NBAS: variants seen among roughly 807,000 people sequenced by gnomAD.
The protein encoded by NBAS is NAG/BC035112 fusion.
NBAS carries 219 observed loss-of-function variants against 302.5 expected under a neutral mutation model. The observed-to-expected ratio is 0.72, with a 90% CI of 0.65 to 0.81. The LOEUF is 0.81. Among genes scored for constraint, NBAS ranks in the 30% least tolerant of loss-of-function variants. NBAS has a pLI of 0.00. For synonymous variants in NBAS, 1,118 were observed against 1,021.6 expected, an observed-to-expected ratio of 1.09 and a Z score of -1.80; for missense variants, 2,932 against 2,841.6, an observed-to-expected ratio of 1.03 and a Z score of -0.72.
chr2:15,219,438 G>A (rs1261339712), intron 47 of NBAS, among the ~76,000 whole-genome samples: 5 of 142,546 alleles, frequency 3.5e-5, no homozygotes, highest in African/African-American at 1.3e-4. Flanking sequence ...AGTGAACAAA[G>A]GTCTCTGGTT....
chr2:15,179,233 C>T (rs1445592903), intron 50 of NBAS, 117 bp from the exon 51 acceptor site: 1 of 1,483,270 alleles, frequency 6.7e-7, no homozygotes, highest in Admixed American at 1.8e-5. Flanking sequence ...GTGTGTAAAG[C>T]CACATATGGT....
At chr2:14,805,640 ATAG>A in the NBAS span, among the ~76,000 whole-genome samples, 1 of 152,194 alleles carries the variant, frequency 6.6e-6, no homozygotes, top group Non-Finnish European at 1.5e-5. Flanking sequence ...AAGTGAGATA[ATAG>A]TGGCCTGGAC....
chr2:14,820,381 A>G, the NBAS span, among the ~76,000 whole-genome samples: 1 of 152,222 alleles, frequency 6.6e-6, no homozygotes, highest in South Asian at 2.1e-4. Context: ...ATAGAACTGG[A>G]GGTCATTATA....
chr2:14,906,276 A>G, the NBAS span, among the ~76,000 whole-genome samples: 1 of 152,200 alleles, frequency 6.6e-6, no homozygotes, highest in Non-Finnish European at 1.5e-5. Flanking sequence ...TCCTAGAAGT[A>G]ACTCTAAACA....
the NBAS span, among the ~76,000 whole-genome samples, chr2:14,888,056 A>T: frequency 1.3e-5 from 2 of 152,312 alleles, no homozygotes; most frequent in African/African-American, 4.8e-5. Context: ...TGATCTTTTC[A>T]GGATGGTTAA....
At chr2:14,892,132 T>C in the NBAS span, among the ~76,000 whole-genome samples, 1 of 152,126 alleles carries the variant, frequency 6.6e-6, no homozygotes, top group Non-Finnish European at 1.5e-5. Context: ...TAAATATTTT[T>C]AAAGAAAATG....
chr2:15,120,069 T>C, the NBAS span, among the ~76,000 whole-genome samples: 4 of 151,994 alleles, frequency 2.6e-5, no homozygotes, highest in Non-Finnish European at 5.9e-5. Flanking sequence ...CCAAACCAAA[T>C]GTGAGGCCCC....
chr2:15,165,792 A>G (rs905357396), downstream of NBAS, among the ~76,000 whole-genome samples: 2 of 152,200 alleles, frequency 1.3e-5, no homozygotes, highest in Admixed American at 6.5e-5. Context: ...AATTGATCCA[A>G]GGTAGCCTTT....
chr2:15,464,537 A>G (rs1679640952), intron 19 of NBAS, among the ~76,000 whole-genome samples: 1 of 152,014 alleles, frequency 6.6e-6, no homozygotes, highest in South Asian at 2.1e-4. Context: ...CTTCTGTTCC[A>G]TAAAGTCCTC....
chr2:15,019,726 G>A, the NBAS span, among the ~76,000 whole-genome samples: 3 of 152,062 alleles, frequency 2.0e-5, no homozygotes, highest in Admixed American at 2.0e-4. Flanking sequence ...TCATGAGGGT[G>A]GAGCCCTCAT....
In NBAS at chr2:15,419,335, ATG is replaced by A. The variant is rs55830610; in HGVS notation, c.2578-1625_2578-1624del. On this transcript the variant is annotated intron_variant, in intron 23 of 51. Coordinates refer to ENST00000281513, the MANE Select transcript of NBAS (RefSeq NM_015909.4). Reference sequence around the variant, plus strand: ...CAGAAATTCATATTCATACATATATATGTGTGTGTGTGTGTGTGTGTGTGTAG... The same window carrying A: ...CAGAAATTCATATTCATACATATATATGTGTGTGTGTGTGTGTGTGTGTAG... 4.5e-3 allele frequency among the ~76,000 whole-genome samples: 673 copies of A among 150,092 alleles called. 5 individuals are homozygous for A. Among genetic ancestry groups the A allele is most frequent in the African/African-American group, 0.014 (590 of 40,716 alleles).
the NBAS span, among the ~76,000 whole-genome samples, chr2:14,834,061 G>C: frequency 6.6e-6 from 1 of 152,062 alleles, no homozygotes; most frequent in African/African-American, 2.4e-5. Context: ...ATCATGACTT[G>C]ATTATATCTC....
At chr2:14,956,275 C>T in the NBAS span, among the ~76,000 whole-genome samples, 1 of 152,298 alleles carries the variant, frequency 6.6e-6, no homozygotes, top group African/African-American at 2.4e-5. Context: ...AGCCATTCAA[C>T]GAGTCTCCAG....
At chr2:15,034,244 G>GAAAGAA in the NBAS span, among the ~76,000 whole-genome samples, 1 of 87,582 alleles carries the variant, frequency 1.1e-5, no homozygotes, top group African/African-American at 4.9e-5. Flanking sequence ...AGGAAAGAAA[G>GAAAGAA]AAAGAAAGAA....
At chr2:15,217,661 C>T (rs894448193) in intron 48 of NBAS, among the ~76,000 whole-genome samples, 1 of 152,202 alleles carries the variant, frequency 6.6e-6, no homozygotes, top group Non-Finnish European at 1.5e-5. Flanking sequence ...TTAAGGTTCC[C>T]GACTCCTGGA....
downstream of NBAS, among the ~76,000 whole-genome samples, chr2:15,164,412 GA>G (rs1309476738): frequency 1.3e-5 from 2 of 152,208 alleles, no homozygotes; most frequent in Non-Finnish European, 2.9e-5. Flanking sequence ...GTGACATTGA[GA>G]AAAGTACTTA....
At chr2:14,975,533 C>A in the NBAS span, among the ~76,000 whole-genome samples, 1 of 152,200 alleles carries the variant, frequency 6.6e-6, no homozygotes, top group Non-Finnish European at 1.5e-5. Flanking sequence ...TTTCTTTCTA[C>A]TGCATGGCTT....
the NBAS span, among the ~76,000 whole-genome samples, chr2:14,893,229 AT>A: frequency 0.038 from 5,740 of 152,238 alleles, 136 homozygotes; most frequent in Non-Finnish European, 0.051. Flanking sequence ...AATTACAAAC[AT>A]TTTTATTCCC....
chr2:14,951,640 A>T, the NBAS span, among the ~76,000 whole-genome samples: 1 of 152,182 alleles, frequency 6.6e-6, no homozygotes, highest in East Asian at 1.9e-4. Flanking sequence ...CGCATTCCTC[A>T]TTAGAAAGGA....
Sources: allele counts gnomAD v4.1 joint callset (sites outside exome capture counted in the v4.1 genomes callset), GRCh38; gene constraint gnomAD v4.1.1; transcripts MANE v1.5; gene names NCBI Gene and HGNC (gene_info 2026-07-23, HGNC 2026-07-21).